The following RARB variants were observed in gnomAD, a reference collection of about 807,000 sequenced individuals.
RARB encodes the protein retinoic acid receptor beta, also known as HBV-activated protein.
A neutral mutation model predicts 51.9 loss-of-function variants in RARB; 17 were observed. That is an observed-to-expected ratio of 0.33 (90% confidence interval 0.22 to 0.49). The LOEUF is 0.49. Among genes scored for constraint, RARB ranks in the 20% least tolerant of loss-of-function variants. RARB has a pLI of 0.99. For missense variants in RARB, 369 were observed against 550.8 expected, an observed-to-expected ratio of 0.67 and a Z score of 3.30; for synonymous variants, 215 against 195.4, an observed-to-expected ratio of 1.10 and a Z score of -0.84.
intron 3 of RARB, among the ~76,000 whole-genome samples, chr3:25,552,079 C>T (rs555795312): frequency 6.6e-6 from 1 of 152,090 alleles, no homozygotes; most frequent in Admixed American, 6.5e-5. Context: ...TGAACAAGAG[C>T]CCTGGGATGA....
intron 2 of RARB, among the ~76,000 whole-genome samples, chr3:24,877,810 T>A (rs1482855645): frequency 6.6e-6 from 1 of 152,192 alleles, no homozygotes; most frequent in African/African-American, 2.4e-5. Flanking sequence ...CAGGTCACCA[T>A]GCTGGAAAAT....
At chr3:24,849,705 A>T (rs564714300) in intron 1 of RARB, among the ~76,000 whole-genome samples, 331 of 152,310 alleles carry the variant, frequency 2.2e-3, no homozygotes, top group African/African-American at 7.8e-3. Context: ...ACTAAACAAC[A>T]CTTCAGCATA....
intron 5 of RARB, among the ~76,000 whole-genome samples, chr3:25,197,238 G>T (rs992315715): frequency 7.9e-5 from 12 of 151,956 alleles, no homozygotes; most frequent in East Asian, 5.8e-4. Flanking sequence ...GAATTAATTT[G>T]TGTATAAGGT....
intron 3 of RARB, among the ~76,000 whole-genome samples, chr3:25,507,561 A>T (rs1441380470): frequency 6.6e-6 from 1 of 152,168 alleles, no homozygotes; most frequent in Non-Finnish European, 1.5e-5. Flanking sequence ...CCCAGAAGAC[A>T]TTAGATCTTC....
At chr3:25,000,399 C>T (rs1257914476) in intron 2 of RARB, among the ~76,000 whole-genome samples, 2 of 152,114 alleles carry the variant, frequency 1.3e-5, no homozygotes, top group Non-Finnish European at 2.9e-5. Context: ...TATGGGGCCA[C>T]AGTTAGTTTG....
chr3:24,831,750 G>C, intron 1 of RARB, among the ~76,000 whole-genome samples: 1 of 151,928 alleles, frequency 6.6e-6, no homozygotes, highest in East Asian at 1.9e-4. Context: ...ACCTACTTTA[G>C]GCATCCTTAT....
intron 5 of RARB, among the ~76,000 whole-genome samples, chr3:25,338,104 C>T (rs1263639932): frequency 8.6e-6 from 1 of 116,794 alleles, no homozygotes; most frequent in East Asian, 2.3e-4. Flanking sequence ...CCAACACACA[C>T]ACACACACAC....
chr3:25,288,097 G>T (rs1703700042), intron 5 of RARB, among the ~76,000 whole-genome samples: 1 of 152,056 alleles, frequency 6.6e-6, no homozygotes, highest in African/African-American at 2.4e-5. Flanking sequence ...TTAAAAGTAA[G>T]TACCAAATAT....
chr3:25,224,481 C>CA (rs1184670240), intron 5 of RARB, among the ~76,000 whole-genome samples: 5 of 152,138 alleles, frequency 3.3e-5, no homozygotes, highest in Non-Finnish European at 7.4e-5. Context: ...CAATGAATGG[C>CA]AAAATCTATT....
chr3:25,151,249 G>T (rs1700282320), intron 4 of RARB, among the ~76,000 whole-genome samples: 1 of 152,220 alleles, frequency 6.6e-6, no homozygotes, highest in South Asian at 2.1e-4. Context: ...CAGTATGAGG[G>T]TAGTGTCTTC....
chr3:25,217,178 T>A (rs773558803), intron 5 of RARB, among the ~76,000 whole-genome samples: 6 of 152,234 alleles, frequency 3.9e-5, no homozygotes, highest in Non-Finnish European at 8.8e-5. Flanking sequence ...AAACTTCCTC[T>A]CATCTACAAT....
intron 3 of RARB, among the ~76,000 whole-genome samples, chr3:25,111,799 G>A (rs951340568): frequency 3.9e-5 from 6 of 151,952 alleles, no homozygotes; most frequent in Admixed American, 6.6e-5. Flanking sequence ...GGCTGGTCTC[G>A]AACTCCTGAC....
intron 5 of RARB, among the ~76,000 whole-genome samples, chr3:25,237,189 C>T (rs1702321981): frequency 6.6e-6 from 1 of 152,034 alleles, no homozygotes; most frequent in Non-Finnish European, 1.5e-5. Flanking sequence ...TAAAACAATA[C>T]TCATTATGCT....
intron 4 of RARB, among the ~76,000 whole-genome samples, chr3:25,142,521 G>T (rs1241492464): frequency 4.0e-5 from 6 of 151,740 alleles, no homozygotes; most frequent in Non-Finnish European, 8.8e-5. Flanking sequence ...TTGAGGCAAA[G>T]ATATAATCTC....
At chr3:24,848,179 C>A (rs1034466703) in intron 1 of RARB, among the ~76,000 whole-genome samples, 1 of 152,178 alleles carries the variant, frequency 6.6e-6, no homozygotes, top group Non-Finnish European at 1.5e-5. Context: ...CCCACCTCAA[C>A]CTACCAAGTA....
intron 5 of RARB, among the ~76,000 whole-genome samples, chr3:25,301,728 A>G (rs1704043248): frequency 6.6e-6 from 1 of 152,152 alleles, no homozygotes; most frequent in Non-Finnish European, 1.5e-5. Flanking sequence ...TCCTGTCCCT[A>G]ACATCTGAGG....
chr3:25,296,067 C>T (rs1017890342), intron 5 of RARB, among the ~76,000 whole-genome samples: 5 of 152,030 alleles, frequency 3.3e-5, no homozygotes, highest in African/African-American at 1.2e-4. Context: ...ACTGTCTAAG[C>T]AAAGTATGTT....
intron 3 of RARB, among the ~76,000 whole-genome samples, chr3:25,112,835 C>T (rs1232343741): frequency 2.0e-5 from 3 of 151,982 alleles, no homozygotes; most frequent in Non-Finnish European, 4.4e-5. Flanking sequence ...AATTGATATT[C>T]GATATTCTAT....
intron 3 of RARB, among the ~76,000 whole-genome samples, chr3:25,115,108 A>G (rs2125326807): frequency 6.6e-6 from 1 of 152,262 alleles, no homozygotes; most frequent in South Asian, 2.1e-4. Context: ...CAATTATCCA[A>G]TGCATTGGCT....
Sources: gnomAD v4.1 joint callset for allele counts (sites outside exome capture counted in the v4.1 genomes callset) on GRCh38, gnomAD v4.1.1 for gene constraint, MANE v1.5 for transcripts, NCBI Gene and HGNC (gene_info 2026-07-23, HGNC 2026-07-21) for gene names.